CA10: variants seen among roughly 807,000 people sequenced by gnomAD.
CA10 encodes carbonic anhydrase-related protein 10.
A neutral mutation model predicts 44.2 loss-of-function variants in CA10; 14 were observed. The observed-to-expected ratio is 0.32, with a 90% CI of 0.21 to 0.50. The LOEUF (loss-of-function observed/expected upper bound fraction) is 0.50. Among genes scored for constraint, CA10 ranks in the 20% least tolerant of loss-of-function variants. The pLI is 0.99. For missense variants in CA10, 350 were observed against 409.7 expected (o/e 0.85, Z 1.26); for synonymous variants, 159 against 141.6 (o/e 1.12, Z -0.87).
chr17:51,679,421 A>C (rs548842601), intron 4 of CA10, among the ~76,000 whole-genome samples: 1 of 151,730 alleles, frequency 6.6e-6, no homozygotes, highest in Non-Finnish European at 1.5e-5. Flanking sequence ...CACCACGCCC[A>C]GCTAATTCCT....
intron 4 of CA10, among the ~76,000 whole-genome samples, chr17:51,729,227 T>C (rs1916629677): frequency 6.6e-6 from 1 of 152,142 alleles, no homozygotes; most frequent in Non-Finnish European, 1.5e-5. Context: ...ACTTAGGCCT[T>C]GGTGCTGGCA....
intron 2 of CA10, among the ~76,000 whole-genome samples, chr17:52,071,999 A>G (rs570621293): frequency 1.2e-4 from 19 of 152,294 alleles, no homozygotes; most frequent in African/African-American, 4.6e-4. Flanking sequence ...CAGTCTTTTC[A>G]TAGTTCCTGT....
chr17:52,046,870 G>T (rs893659342), intron 2 of CA10, among the ~76,000 whole-genome samples: 1 of 151,758 alleles, frequency 6.6e-6, no homozygotes, highest in African/African-American at 2.4e-5. Context: ...GAAATAAAAG[G>T]TTGGTCCAAC....
chr17:51,682,351 C>T (rs1003964466), intron 4 of CA10, among the ~76,000 whole-genome samples: 1 of 152,184 alleles, frequency 6.6e-6, no homozygotes, highest in African/African-American at 2.4e-5. Flanking sequence ...AATGAAACTT[C>T]CCCTGGCCAC....
intron 3 of CA10, among the ~76,000 whole-genome samples, chr17:51,891,449 T>A (rs770438083): frequency 3.5e-4 from 54 of 152,220 alleles, no homozygotes; most frequent in Non-Finnish European, 6.6e-4. Context: ...TGGTAATAGT[T>A]AGCGATTTGG....
intron 3 of CA10, among the ~76,000 whole-genome samples, chr17:51,750,848 C>G (rs1267318884): frequency 3.3e-5 from 5 of 152,220 alleles, no homozygotes; most frequent in African/African-American, 2.4e-5. Context: ...TTCTAGAAAT[C>G]CTTTCATCTA....
chr17:52,069,994 A>G (rs1161963276), intron 2 of CA10, among the ~76,000 whole-genome samples: 3 of 152,224 alleles, frequency 2.0e-5, no homozygotes, highest in Non-Finnish European at 2.9e-5. Flanking sequence ...TAAGGGGTCC[A>G]TTGTTTGCCA....
intron 6 of CA10, among the ~76,000 whole-genome samples, chr17:51,647,273 T>G (rs1007467164): frequency 3.9e-5 from 6 of 152,140 alleles, no homozygotes; most frequent in African/African-American, 1.4e-4. Context: ...CCATCACCAA[T>G]GCTTATTGGG....
intron 4 of CA10, among the ~76,000 whole-genome samples, chr17:51,695,866 T>C (rs887197882): frequency 7.9e-5 from 12 of 152,196 alleles, no homozygotes; most frequent in African/African-American, 2.7e-4. Context: ...TGAGGGTTTT[T>C]ATCACTTAGG....
At chr17:52,140,402 G>A (rs1380627512) in intron 1 of CA10, among the ~76,000 whole-genome samples, 1 of 152,166 alleles carries the variant, frequency 6.6e-6, no homozygotes, top group East Asian at 1.9e-4. Flanking sequence ...TGTAGCCATC[G>A]AAAATAGATA....
At chr17:51,712,686 A>G (rs1459047375) in intron 4 of CA10, among the ~76,000 whole-genome samples, 3 of 152,218 alleles carry the variant, frequency 2.0e-5, no homozygotes, top group South Asian at 2.1e-4. Context: ...TCATTGTTTT[A>G]TCTCCCAATA....
chr17:52,061,210 T>C (rs770532380), intron 2 of CA10, among the ~76,000 whole-genome samples: 1 of 151,852 alleles, frequency 6.6e-6, no homozygotes, highest in Admixed American at 6.6e-5. Flanking sequence ...ATGGGCCAAA[T>C]GCAATCACAA....
chr17:51,816,660 T>G (rs968151516), intron 3 of CA10, among the ~76,000 whole-genome samples: 2 of 152,348 alleles, frequency 1.3e-5, no homozygotes, highest in East Asian at 3.9e-4. Flanking sequence ...AAAATATTAT[T>G]TTTACTCATC....
At chr17:51,942,973 A>C (rs573428452) in intron 2 of CA10, among the ~76,000 whole-genome samples, 2 of 152,232 alleles carry the variant, frequency 1.3e-5, no homozygotes, top group South Asian at 4.1e-4. Context: ...GGCAGGACCA[A>C]GTGTCTGCTT....
chr17:52,137,783 C>T (rs1989391419), intron 1 of CA10, among the ~76,000 whole-genome samples: 1 of 152,202 alleles, frequency 6.6e-6, no homozygotes, highest in South Asian at 2.1e-4. Flanking sequence ...AGCAATTTTA[C>T]TTAGCTTGTT....
intron 3 of CA10, among the ~76,000 whole-genome samples, chr17:51,896,300 T>C (rs552872378): frequency 8.5e-5 from 13 of 152,214 alleles, no homozygotes; most frequent in Non-Finnish European, 1.8e-4. Context: ...TGTCCACATA[T>C]GCTCAATGTT....
chr17:51,865,542 T>C (rs755678660), intron 3 of CA10, among the ~76,000 whole-genome samples: 1 of 152,190 alleles, frequency 6.6e-6, no homozygotes, highest in Non-Finnish European at 1.5e-5. Context: ...CGCAGGGCAG[T>C]GTCCATGGCC....
intron 3 of CA10, among the ~76,000 whole-genome samples, chr17:51,873,580 A>T (rs145164258): frequency 6.6e-6 from 1 of 152,150 alleles, no homozygotes; most frequent in South Asian, 2.1e-4. Context: ...AGAGAGGCCA[A>T]TTTTTTGCTT....
At chr17:51,709,105 G>A (rs987097428) in intron 4 of CA10, among the ~76,000 whole-genome samples, 3 of 148,114 alleles carry the variant, frequency 2.0e-5, no homozygotes, top group Admixed American at 2.0e-4. Flanking sequence ...CAGATTCTGA[G>A]GGCAGAAACT....
Sources: gnomAD v4.1 joint callset for allele counts (sites outside exome capture counted in the v4.1 genomes callset) on GRCh38, gnomAD v4.1.1 for gene constraint, MANE v1.5 for transcripts, NCBI Gene and HGNC (gene_info 2026-07-23, HGNC 2026-07-21) for gene names.